RASA3: variants seen among roughly 807,000 people sequenced by gnomAD.
The protein encoded by RASA3 is RAS p21 protein activator 3, also known as ras GTPase-activating protein 3.
Under a neutral mutation model 110.0 loss-of-function variants are expected in RASA3, and 73 were observed. The ratio of observed to expected loss-of-function variants is 0.66; its 90% CI spans 0.55 to 0.81. RASA3 has a LOEUF of 0.81. Among genes scored for constraint, RASA3 ranks in the 30% least tolerant of loss-of-function variants. RASA3 has a pLI of 0.00. For missense variants in RASA3, 976 were observed against 1,113.2 expected (o/e 0.88, Z 1.75); for synonymous variants, 500 against 451.4 (o/e 1.11, Z -1.37).
In RASA3 at chr13:114,115,175, G is replaced by GA. The variant is rs1220972308; in HGVS notation, c.55+17259_55+17260insT. ...TGTAAAAATACTTGGAACCCATGGG[G>GA]GGCTTTGTGTGTGGTGTCATCGGCA... On this transcript the variant is annotated intron_variant, in intron 1 of 23. Coordinates refer to ENST00000334062, the MANE Select transcript of RASA3 (RefSeq NM_007368.4). This position sits in a 1 kb window ranked among gnomAD's most constrained non-coding sequence, Gnocchi z 5.0. Among the ~76,000 whole-genome samples the GA allele has an allele frequency of 6.6e-6, 1 of 152,238 alleles. No individual in the cohort carries two copies. The highest frequency in any genetic ancestry group is 1.5e-5 in the Non-Finnish European group (1 of 68,048).
At chr13:113,980,059 GCAC>G (rs1335799812) in intron 23 of RASA3, among the ~76,000 whole-genome samples, 1 of 133,528 alleles carries the variant, frequency 7.5e-6, no homozygotes, top group Non-Finnish European at 1.6e-5. Flanking sequence ...CCTCCTGTGT[GCAC>G]CTCCTCCCAT....
At chr13:114,025,910 C>G (rs1037551980) in intron 7 of RASA3, among the ~76,000 whole-genome samples, 3 of 152,170 alleles carry the variant, frequency 2.0e-5, no homozygotes, top group Admixed American at 6.5e-5. Flanking sequence ...CCGAAAGAGA[C>G]AGAGTCCTGG....
At chr13:113,993,262 G>A (rs1255090936) in intron 21 of RASA3, among the ~76,000 whole-genome samples, 1 of 152,052 alleles carries the variant, frequency 6.6e-6, no homozygotes, top group African/African-American at 2.4e-5. Flanking sequence ...TGAAACCTAC[G>A]CTTTCTGGGT....
At chr13:114,017,869 G>A (rs935352013) in intron 11 of RASA3, among the ~76,000 whole-genome samples, 4 of 151,470 alleles carry the variant, frequency 2.6e-5, no homozygotes, top group Non-Finnish European at 4.4e-5. Context: ...CCCAGGAGCC[G>A]TTTCCCCTCC....
chr13:114,021,011 C>T (rs1038294190), intron 9 of RASA3, among the ~76,000 whole-genome samples: 4 of 151,842 alleles, frequency 2.6e-5, no homozygotes, highest in African/African-American at 9.7e-5. Flanking sequence ...GAGCTGCTCA[C>T]AGCTCAGGGT....
At chr13:114,097,808 G>A (rs888439340) in intron 1 of RASA3, among the ~76,000 whole-genome samples, 1 of 152,210 alleles carries the variant, frequency 6.6e-6, no homozygotes, top group Non-Finnish European at 1.5e-5. Context: ...GACGGGGGAC[G>A]CAGCCTATGC....
At position 114,124,475 on chromosome 13, in the gene RASA3, C is replaced by T. The variant is rs149709502; in HGVS notation, c.55+7960G>A. ...CCGACGAGGGCGTTCCCGGGCACCT[C>T]GGTGACTCTGAAACTCATATCTACA... On this transcript the variant is annotated intron_variant, in intron 1 of 23. Transcript: ENST00000334062. 2.8e-3 allele frequency among the ~76,000 whole-genome samples: 422 copies of T among 152,374 alleles called. 4 individuals are homozygous for T. The highest frequency in any genetic ancestry group is 9.5e-3 in the African/African-American group (397 of 41,590).
At chr13:114,012,435 C>G (rs2053654550) in intron 15 of RASA3, among the ~76,000 whole-genome samples, 1 of 149,600 alleles carries the variant, frequency 6.7e-6, no homozygotes, top group Middle Eastern at 3.5e-3. Flanking sequence ...CACACGTCTT[C>G]CACACTCCCC....
chr13:114,129,446 G>C (rs958733294), intron 1 of RASA3, among the ~76,000 whole-genome samples: 2 of 152,200 alleles, frequency 1.3e-5, no homozygotes, highest in Non-Finnish European at 2.9e-5. Flanking sequence ...CAAAGAAAGA[G>C]GAAGGGGGAA....
At chr13:113,993,819 A>AAG (rs1488536024) in intron 21 of RASA3, among the ~76,000 whole-genome samples, 13 of 147,950 alleles carry the variant, frequency 8.8e-5, no homozygotes, top group African/African-American at 3.3e-4. Context: ...AAAAAAAAAA[A>AAG]AAAAAAAAAA....
At position 114,069,042 on chromosome 13, in the gene RASA3, C is replaced by T. The variant is rs186514372; in HGVS notation, c.173+4678G>A. On this transcript the variant is annotated intron_variant, in intron 2 of 23. Coordinates refer to ENST00000334062, the MANE Select transcript of RASA3 (RefSeq NM_007368.4). Reference sequence around the variant, plus strand: ...CACAGACTCCAGGGCCTCGGACGCGCGGCCCAGGGGCCCGGGCCACACGCA... The same window carrying T: ...CACAGACTCCAGGGCCTCGGACGCGTGGCCCAGGGGCCCGGGCCACACGCA... Among the ~76,000 whole-genome samples, 9 of 152,310 alleles carry T rather than the reference C, an allele frequency of 5.9e-5. No homozygotes were observed. In the East Asian group the frequency reaches 1.5e-3, roughly 26 times the overall value.
intron 22 of RASA3, among the ~76,000 whole-genome samples, chr13:113,990,582 C>T (rs2053084944): frequency 6.6e-6 from 1 of 152,238 alleles, no homozygotes; most frequent in African/African-American, 2.4e-5. Context: ...ACTGTCTTGG[C>T]CACCCTGAGG....
intron 4 of RASA3, among the ~76,000 whole-genome samples, chr13:114,032,019 C>T (rs1265316522): frequency 6.6e-6 from 1 of 152,148 alleles, no homozygotes; most frequent in Admixed American, 6.5e-5. Context: ...ACCTAGCCAG[C>T]CTTGAGTGGT....
rs999687042 is a variant in RASA3, at chr13:114,115,421, G to A, written c.55+17014C>T. 9.2e-5 allele frequency among the ~76,000 whole-genome samples: 14 copies of A among 152,332 alleles called. No homozygotes were observed. Among genetic ancestry groups the A allele is most frequent in the Non-Finnish European group, 1.3e-4 (9 of 68,030 alleles). ...TAAGGCTTGGGTTAGTGTCGGGCAC[G>A]CGGGGGAGGTGCCTGCCTGCGTGAA... On this transcript the variant is annotated intron_variant, in intron 1 of 23. Coordinates refer to ENST00000334062, the MANE Select transcript of RASA3 (RefSeq NM_007368.4). The surrounding 1 kb of genome is among the most constrained non-coding windows in gnomAD (Gnocchi z 5.0).
At chr13:114,083,287 C>G (rs1216745284) in intron 1 of RASA3, among the ~76,000 whole-genome samples, 1 of 152,236 alleles carries the variant, frequency 6.6e-6, no homozygotes, top group Non-Finnish European at 1.5e-5. Flanking sequence ...ATTAGATGAT[C>G]AACAAAACCT....
chr13:114,000,980 C>G (rs374391088), intron 18 of RASA3, 48 bp from the exon 19 acceptor site: 1 of 1,316,726 alleles, frequency 7.6e-7, no homozygotes, highest in Admixed American at 1.7e-5. Context: ...AGCTGCCTCC[C>G]TGCACAGGTG....
chr13:114,117,127 G>A (rs568359683), intron 1 of RASA3, among the ~76,000 whole-genome samples: 1 of 133,258 alleles, frequency 7.5e-6, no homozygotes, highest in Non-Finnish European at 1.6e-5. Context: ...TGTGAGGGAT[G>A]CATGTGTGTG....
chr13:114,124,661 C>T (rs1457190778), intron 1 of RASA3, among the ~76,000 whole-genome samples: 8 of 152,246 alleles, frequency 5.3e-5, no homozygotes, highest in Non-Finnish European at 1.2e-4. Flanking sequence ...TCAGGGGCCT[C>T]TCAGGGGCCA....
chr13:114,030,977 C>T (rs189563461), intron 4 of RASA3, among the ~76,000 whole-genome samples: 1 of 146,682 alleles, frequency 6.8e-6, no homozygotes, highest in Admixed American at 6.7e-5. Flanking sequence ...GCCTGTGTAG[C>T]TGTGTGTCCG....
Sources: allele counts gnomAD v4.1 joint callset (sites outside exome capture counted in the v4.1 genomes callset), GRCh38; gene constraint gnomAD v4.1.1; non-coding constraint Gnocchi (gnomAD v3.1); transcripts MANE v1.5; gene names NCBI Gene and HGNC (gene_info 2026-07-23, HGNC 2026-07-21).